The following ATG10 variants were observed in gnomAD, a reference collection of about 807,000 sequenced individuals.
ATG10 encodes ubiquitin-like-conjugating enzyme ATG10.
In ATG10, 30 loss-of-function variants were observed where a neutral mutation model predicts 32.1. The ratio of observed to expected loss-of-function variants is 0.94; its 90% CI spans 0.70 to 1.27. The LOEUF is 1.27. Among genes scored for constraint, ATG10 ranks in the 50% most tolerant of loss-of-function variants. The probability of loss-of-function intolerance (pLI) is 0.00; values close to 1 mark genes in which losing one functional copy is unlikely to be tolerated. For synonymous variants in ATG10, 87 were observed against 91.5 expected, an observed-to-expected ratio of 0.95 and a Z score of 0.28; for missense variants, 233 against 262.3, an observed-to-expected ratio of 0.89 and a Z score of 0.77.
chr5:82,252,709 G>A, intron 6 of ATG10, 50 bp downstream of exon 6: 1 of 1,104,988 alleles, frequency 9.0e-7, no homozygotes, highest in Non-Finnish European at 1.3e-6. Flanking sequence ...TTTTAAAAGT[G>A]TAAATCTTTT....
At chr5:82,115,399 G>A (rs1053850804) in intron 3 of ATG10, among the ~76,000 whole-genome samples, 1 of 151,980 alleles carries the variant, frequency 6.6e-6, no homozygotes, top group Non-Finnish European at 1.5e-5. Flanking sequence ...AGATAGAATT[G>A]GCCAATGTTC....
chr5:82,225,541 A>G (rs1190930531), intron 5 of ATG10, among the ~76,000 whole-genome samples: 1 of 152,236 alleles, frequency 6.6e-6, no homozygotes, highest in East Asian at 1.9e-4. Context: ...GCTGCTTTGT[A>G]GGCAAGCCAC....
At chr5:82,057,085 A>G (rs988000987) in intron 2 of ATG10, among the ~76,000 whole-genome samples, 1 of 152,270 alleles carries the variant, frequency 6.6e-6, no homozygotes, top group Non-Finnish European at 1.5e-5. Context: ...CAGGAATGAT[A>G]TTAAAAATAT....
chr5:82,128,819 TCTG>T (rs1314410200), intron 3 of ATG10, among the ~76,000 whole-genome samples: 19 of 151,310 alleles, frequency 1.3e-4, no homozygotes, highest in African/African-American at 4.6e-4. Flanking sequence ...TCTTGGTAAA[TCTG>T]ATGATTATGT....
chr5:82,235,476 C>T (rs1746518361), intron 5 of ATG10, among the ~76,000 whole-genome samples: 1 of 152,164 alleles, frequency 6.6e-6, no homozygotes, highest in African/African-American at 2.4e-5. Context: ...TTCTCTATAT[C>T]TTTGGACTAG....
chr5:82,224,554 G>A (rs1187191036), intron 5 of ATG10, among the ~76,000 whole-genome samples: 1 of 152,166 alleles, frequency 6.6e-6, no homozygotes, highest in Non-Finnish European at 1.5e-5. Context: ...GCAGGGGGAA[G>A]GAGAGAATAG....
chr5:82,132,566 C>T (rs1766583758), intron 3 of ATG10, among the ~76,000 whole-genome samples: 2 of 151,968 alleles, frequency 1.3e-5, no homozygotes, highest in South Asian at 4.2e-4. Context: ...CATCCATGTC[C>T]CTGCAATGGA....
chr5:82,061,860 C>G (rs1031216062), intron 3 of ATG10, among the ~76,000 whole-genome samples: 2 of 108,464 alleles, frequency 1.8e-5, no homozygotes, highest in Non-Finnish European at 3.4e-5. Context: ...GGGTCTTGCT[C>G]TGTCTCGCAG....
chr5:82,128,407 T>C (rs1351530578), intron 3 of ATG10, among the ~76,000 whole-genome samples: 2 of 152,082 alleles, frequency 1.3e-5, no homozygotes, highest in African/African-American at 4.8e-5. Context: ...ATTTTGTATG[T>C]TTTTGCAGTG....
intron 5 of ATG10, among the ~76,000 whole-genome samples, chr5:82,218,594 T>G (rs1745792681): frequency 1.3e-5 from 2 of 152,018 alleles, no homozygotes; most frequent in Non-Finnish European, 2.9e-5. Flanking sequence ...AGTCTCTGTG[T>G]TTTTTTTCTC....
In ATG10 at chr5:82,133,635, G is replaced by A. The variant is rs529579263; in HGVS notation, c.217-30764G>A. 3.7e-3 allele frequency among the ~76,000 whole-genome samples: 567 copies of A among 151,784 alleles called. 1 individual carries two copies. Among genetic ancestry groups the A allele is most frequent in the African/African-American group, 0.012 (493 of 41,400 alleles). The stretch of plus-strand genomic sequence containing the variant: ...GTTGTAGTTACCGTAGCCTTGTAGT[G>A]TAGTTTGAAGTCAGGTAGTGTGATG... On this transcript the variant is annotated intron_variant, in intron 3 of 7. Transcript: ENST00000282185.
intron 2 of ATG10, among the ~76,000 whole-genome samples, chr5:81,999,752 A>G (rs1197487457): frequency 6.6e-6 from 1 of 152,302 alleles, no homozygotes; most frequent in East Asian, 1.9e-4. Flanking sequence ...AGACACTACT[A>G]CAAACACCTC....
intron 3 of ATG10, among the ~76,000 whole-genome samples, chr5:82,146,848 T>A (rs1232430082): frequency 6.6e-6 from 1 of 152,224 alleles, no homozygotes; most frequent in South Asian, 2.1e-4. Context: ...AGCATACTTA[T>A]AATAGCTGTT....
intron 3 of ATG10, among the ~76,000 whole-genome samples, chr5:82,103,504 C>T (rs949152427): frequency 3.9e-5 from 6 of 152,152 alleles, no homozygotes; most frequent in Non-Finnish European, 8.8e-5. Flanking sequence ...TTACCTGGGG[C>T]TTGTTAACAG....
chr5:82,240,488 A>G (rs894018780), intron 5 of ATG10, among the ~76,000 whole-genome samples: 6 of 152,204 alleles, frequency 3.9e-5, no homozygotes, highest in Non-Finnish European at 8.8e-5. Context: ...GGAAGTGAAT[A>G]TAGTGGTGGT....
At chr5:81,974,431 C>G (rs1462003202) in intron 1 of ATG10, among the ~76,000 whole-genome samples, 1 of 152,140 alleles carries the variant, frequency 6.6e-6, no homozygotes, top group Non-Finnish European at 1.5e-5. Context: ...TTTATAGGAT[C>G]CAGGAAGAGG....
intron 2 of ATG10, among the ~76,000 whole-genome samples, chr5:82,003,295 C>A (rs1761900711): frequency 6.6e-6 from 1 of 152,210 alleles, no homozygotes. Flanking sequence ...CTAGCTTTGT[C>A]TACTGAAGTG....
At chr5:82,150,207 A>T (rs2149879036) in intron 3 of ATG10, among the ~76,000 whole-genome samples, 2 of 151,700 alleles carry the variant, frequency 1.3e-5, no homozygotes, top group South Asian at 4.2e-4. Flanking sequence ...TTCTCAATTC[A>T]TTTAGGAAAC....
chr5:82,070,035 T>A (rs1034810264), intron 3 of ATG10, among the ~76,000 whole-genome samples: 4 of 152,200 alleles, frequency 2.6e-5, no homozygotes. Context: ...CTTACGTATT[T>A]GTGATAAGCA....
Sources: allele counts gnomAD v4.1 joint callset (sites outside exome capture counted in the v4.1 genomes callset), GRCh38; gene constraint gnomAD v4.1.1; transcripts MANE v1.5; gene names NCBI Gene and HGNC (gene_info 2026-07-23, HGNC 2026-07-21).